Variants in KIF13B observed in about 807,000 individuals in gnomAD.
KIF13B encodes kinesin family member 13B, also known as kinesin-like protein KIF13B.
A neutral mutation model predicts 222.0 loss-of-function variants in KIF13B; 127 were observed. The observed-to-expected ratio is 0.57, with a 90% confidence interval of 0.50 to 0.66. KIF13B has a LOEUF of 0.66. Ranked by LOEUF, KIF13B falls within the 30% of genes least tolerant of loss-of-function variation. KIF13B has a pLI of 0.00. For synonymous variants in KIF13B, 976 were observed against 919.0 expected (o/e 1.06, Z -1.12); for missense variants, 2,173 against 2,379.0 (o/e 0.91, Z 1.80).
chr8:29,073,270 G>A lies in KIF13B; in HGVS notation c.4522-954C>T, dbSNP rs183779467. 1.6e-4 allele frequency among the ~76,000 whole-genome samples: 24 copies of A among 152,220 alleles called. 1 individual carries two copies. In the East Asian group the frequency reaches 4.1e-3, roughly 26 times the overall value. ...CCATGTCAGGGGCTGGGGGGGCCTC[G>A]GACCCTGGAGAGAGGCCAGGAAGCA... is the stretch of plus-strand genomic sequence containing the variant. On this transcript the variant is annotated intron_variant, in intron 38 of 39. Transcript: ENST00000524189.
At chr8:29,242,813 AC>A (rs1403782592) in intron 2 of KIF13B, among the ~76,000 whole-genome samples, 1 of 152,240 alleles carries the variant, frequency 6.6e-6, no homozygotes, top group Non-Finnish European at 1.5e-5. Context: ...ATTAGTTGAT[AC>A]CAAGAAGGAG....
chr8:29,223,331 C>CAAAAAAA (rs369280304), intron 2 of KIF13B, among the ~76,000 whole-genome samples: 1 of 103,672 alleles, frequency 9.6e-6, no homozygotes, highest in African/African-American at 3.8e-5. Flanking sequence ...GACCCTGTCT[C>CAAAAAAA]AAAAAAAAAA....
intron 2 of KIF13B, among the ~76,000 whole-genome samples, chr8:29,240,440 G>C (rs907418207): frequency 4.6e-5 from 7 of 152,194 alleles, no homozygotes; most frequent in Non-Finnish European, 1.0e-4. Context: ...CTGTGGTGGA[G>C]AGAGAAAGGG....
At chr8:29,111,790 A>C (rs1239582491) in intron 32 of KIF13B, among the ~76,000 whole-genome samples, 1 of 152,244 alleles carries the variant, frequency 6.6e-6, no homozygotes, top group Non-Finnish European at 1.5e-5. Context: ...TACAGAGACA[A>C]GATCTGAAAC....
intron 2 of KIF13B, among the ~76,000 whole-genome samples, chr8:29,213,278 T>C (rs896488739): frequency 6.6e-6 from 1 of 152,248 alleles, no homozygotes; most frequent in African/African-American, 2.4e-5. Context: ...TAAATGCTTG[T>C]GCTCTTACTG....
chr8:29,261,767 G>C (rs930707181), intron 1 of KIF13B, among the ~76,000 whole-genome samples: 2 of 151,032 alleles, frequency 1.3e-5, no homozygotes, highest in African/African-American at 4.9e-5. Context: ...GCTTTAATCG[G>C]ACCTAGCAGG....
At chr8:29,142,588 C>T (rs1810866295) in intron 18 of KIF13B, among the ~76,000 whole-genome samples, 1 of 151,990 alleles carries the variant, frequency 6.6e-6, no homozygotes, top group South Asian at 2.1e-4. Context: ...GCCTGTAATC[C>T]CAGCACTTTG....
intron 3 of KIF13B, among the ~76,000 whole-genome samples, chr8:29,195,003 T>C (rs2130373093): frequency 6.6e-6 from 1 of 152,218 alleles, no homozygotes; most frequent in African/African-American, 2.4e-5. Context: ...ATCCCAGCAC[T>C]TTGGGAGGCC....
At chr8:29,246,805 T>A (rs1816046571) in intron 1 of KIF13B, among the ~76,000 whole-genome samples, 1 of 152,156 alleles carries the variant, frequency 6.6e-6, no homozygotes, top group Non-Finnish European at 1.5e-5. Context: ...CTGTCACATT[T>A]ATGGTCCATT....
intron 22 of KIF13B, among the ~76,000 whole-genome samples, chr8:29,133,534 T>C (rs1002186608): frequency 6.6e-6 from 1 of 152,204 alleles, no homozygotes; most frequent in Non-Finnish European, 1.5e-5. Context: ...GGGGTTGCAG[T>C]GAGCCAAGAT....
chr8:29,150,496 C>T (rs1054841320), intron 14 of KIF13B, 113 bp from the exon 15 acceptor site: 5 of 587,266 alleles, frequency 8.5e-6, no homozygotes, highest in African/African-American at 3.7e-5. Context: ...TTCCCCCAAA[C>T]ACAACCTGTT....
At chr8:29,123,316 G>C (rs1405945765) in intron 28 of KIF13B, 50 bp downstream of exon 28, 2 of 1,593,646 alleles carry the variant, frequency 1.3e-6, no homozygotes, top group Non-Finnish European at 1.7e-6. Context: ...CTAAAAGCAA[G>C]TGGCTTGGTG....
At chr8:29,140,400 T>A in intron 20 of KIF13B, 68 bp downstream of exon 20, 1 of 1,514,028 alleles carries the variant, frequency 6.6e-7, no homozygotes, top group Non-Finnish European at 9.0e-7. Flanking sequence ...AGCAACAATA[T>A]CCCATCACCA....
rs995105596 is a variant in KIF13B at position 29,069,822 on chromosome 8, A to G, written c.*682T>C. The G allele has an allele frequency of 6.6e-6, 1 of 152,318 alleles. No individual in the cohort carries two copies. Among genetic ancestry groups the G allele is most frequent in the African/African-American group, 2.4e-5 (1 of 41,474 alleles). The allele number at this position is 152,318 out of a possible 1,614,324, so 9.4% of individuals were successfully genotyped here. A position where few individuals can be genotyped will look rare whatever the true frequency, so the allele number is the denominator to read the frequency against. ...AACATAAGAGACTTTCCAGGTGTCT[A>G]AAGATGCCAAAACATCCACAGAGAA... On this transcript the variant is annotated 3_prime_UTR_variant, in exon 40 of 40. Transcript: ENST00000524189.
At position 29,198,414 on chromosome 8, in the gene KIF13B, TGGGTTCAAGCGATTCTCCA is replaced by T. The variant is rs1275707156; in HGVS notation, c.150-2234_150-2216del. Among the ~76,000 whole-genome samples the T allele has an allele frequency of 4.6e-5, 7 of 152,200 alleles. No homozygotes were observed. In the East Asian group the frequency reaches 9.7e-4, roughly 21 times the overall value. On this transcript the variant is annotated intron_variant, in intron 2 of 39. Coordinates refer to ENST00000524189, the MANE Select transcript of KIF13B (RefSeq NM_015254.4). ...TTGGCTCACTGCAACCTCCGCCTCCTGGGTTCAAGCGATTCTCCAGGCTCAACCTCCTGAGTAGCTGGGA... is the reference window on the plus strand; with the variant it reads ...TTGGCTCACTGCAACCTCCGCCTCCTGGCTCAACCTCCTGAGTAGCTGGGA...
intron 13 of KIF13B, among the ~76,000 whole-genome samples, chr8:29,159,402 A>T (rs1233775505): frequency 6.6e-6 from 1 of 152,156 alleles, no homozygotes; most frequent in African/African-American, 2.4e-5. Flanking sequence ...TGCCCGCCTC[A>T]GCCTCCCAAA....
chr8:29,224,848 G>T (rs532126510), intron 2 of KIF13B, among the ~76,000 whole-genome samples: 1 of 152,254 alleles, frequency 6.6e-6, no homozygotes, highest in South Asian at 2.1e-4. Flanking sequence ...ACTTTTTTGG[G>T]TATAATTTAA....
At chr8:29,073,612 G>C (rs1291872729) in intron 38 of KIF13B, among the ~76,000 whole-genome samples, 1 of 152,176 alleles carries the variant, frequency 6.6e-6, no homozygotes, top group Non-Finnish European at 1.5e-5. Flanking sequence ...GATATTTATG[G>C]AAAAATTATT....
chr8:29,116,968 A>G lies in KIF13B; in HGVS notation c.3700T>C (p.Cys1234Arg). 6.2e-7 allele frequency: 1 copy of G among 1,605,984 alleles called. No individual in the cohort carries two copies. Among genetic ancestry groups the G allele is most frequent in the South Asian group, 1.1e-5 (1 of 90,562 alleles). ...GGCGTGCCCCTGCTGAGCTGAGGGC[A>G]GCCATGCACCGCGGAGTCCCAGGAG... ...EASWDSAVHG[C>R]PQLSRGTPVD... Residue 1234 changes from cysteine to arginine, a missense_variant, in exon 31 of 40, where the codon TGC becomes CGC. Physicochemically the swap from Cys to Arg is radical, Grantham distance 180. Coordinates refer to ENST00000524189, the MANE Select transcript of KIF13B (RefSeq NM_015254.4).
Sources: allele counts gnomAD v4.1 joint callset (sites outside exome capture counted in the v4.1 genomes callset), GRCh38; gene constraint gnomAD v4.1.1; transcripts MANE v1.5; gene names NCBI Gene and HGNC (gene_info 2026-07-23, HGNC 2026-07-21).